The following BMPR2 variants were observed in gnomAD, a reference collection of about 807,000 sequenced individuals.
BMPR2 encodes bone morphogenetic protein receptor type-2.
Under a neutral mutation model 100.8 loss-of-function variants are expected in BMPR2, and 29 were observed. The ratio of observed to expected loss-of-function variants is 0.29; its 90% CI spans 0.21 to 0.39. The LOEUF (loss-of-function observed/expected upper bound fraction) is 0.39, where lower values mean the gene tolerates loss of function less well. Ranked by LOEUF, BMPR2 falls within the 10% of genes least tolerant of loss-of-function variation. The probability of loss-of-function intolerance (pLI) is 1.00; values close to 1 mark genes in which losing one functional copy is unlikely to be tolerated. For missense variants in BMPR2, 1,011 were observed against 1,274.5 expected (o/e 0.79, Z 3.15); for synonymous variants, 382 against 442.3 (o/e 0.86, Z 1.71).
intron 10 of BMPR2, among the ~76,000 whole-genome samples, chr2:202,546,940 G>C (rs1688386517): frequency 6.8e-6 from 1 of 148,036 alleles, no homozygotes; most frequent in Non-Finnish European, 1.5e-5. Flanking sequence ...GTTTTGTTTT[G>C]TTTTGTTTTG....
At chr2:202,492,725 C>CAAA (rs796078041) in intron 3 of BMPR2, among the ~76,000 whole-genome samples, 25 of 111,652 alleles carry the variant, frequency 2.2e-4, no homozygotes, top group African/African-American at 6.9e-4. Flanking sequence ...AAAAAAAAAC[C>CAAA]AAAAAAAAAA....
intron 3 of BMPR2, among the ~76,000 whole-genome samples, chr2:202,507,278 G>T (rs981813394): frequency 6.6e-6 from 1 of 152,032 alleles, no homozygotes; most frequent in East Asian, 1.9e-4. Context: ...TAAAGAAAAG[G>T]TTATGATTTT....
chr2:202,480,315 G>T (rs1692634456), intron 3 of BMPR2, among the ~76,000 whole-genome samples: 1 of 151,958 alleles, frequency 6.6e-6, no homozygotes, highest in East Asian at 1.9e-4. Context: ...TTTTAGTAGA[G>T]ATGGGGTTTT....
intron 9 of BMPR2, among the ~76,000 whole-genome samples, chr2:202,536,133 G>C (rs928315439): frequency 3.9e-5 from 6 of 152,024 alleles, no homozygotes; most frequent in African/African-American, 1.4e-4. Context: ...TTTTTTAAGA[G>C]ACAGAGCCTC....
chr2:202,418,690 A>G (rs1389297153), intron 1 of BMPR2, among the ~76,000 whole-genome samples: 2 of 152,362 alleles, frequency 1.3e-5, no homozygotes, highest in East Asian at 1.9e-4. Context: ...CCTGGAATCA[A>G]TAGAAGGAAA....
At position 202,434,167 on chromosome 2, in the gene BMPR2, C is replaced by A. The variant is rs879364806; in HGVS notation, c.77-30642C>A. On this transcript the variant is annotated intron_variant, in intron 1 of 12. Transcript: ENST00000374580. ...CCATTGCACCCAAATCAGCTATAGA[C>A]GAGCAGTGCTTTCAATGGAATTTTT... Among the ~76,000 whole-genome samples the A allele has an allele frequency of 5.3e-5, 8 of 150,522 alleles. 1 individual carries two copies. Among genetic ancestry groups the A allele is most frequent in the African/African-American group, 2.0e-4 (8 of 39,896 alleles).
chr2:202,396,744 C>T (rs1690662992), intron 1 of BMPR2, among the ~76,000 whole-genome samples: 1 of 152,090 alleles, frequency 6.6e-6, no homozygotes, highest in Admixed American at 6.6e-5. Flanking sequence ...GATACAGCAA[C>T]AATGTATTTC....
chr2:202,559,596 C>A, intron 12 of BMPR2, 100 bp from the exon 13 acceptor site: 1 of 1,271,124 alleles, frequency 7.9e-7, no homozygotes, highest in Non-Finnish European at 1.1e-6. Flanking sequence ...TCATTAGCAC[C>A]CTCCTGAGAC....
At chr2:202,437,297 C>T (rs1218706918) in intron 1 of BMPR2, among the ~76,000 whole-genome samples, 2 of 150,694 alleles carry the variant, frequency 1.3e-5, no homozygotes, top group South Asian at 4.1e-4. Context: ...AGCCACTGCG[C>T]CCAGCCAAAA....
rs1341307390 is a variant in BMPR2 at position 202,464,785 on chromosome 2, ATTCCTTTAT to A, written c.77-12_77-4del. ...TTTTGAAAACATTAAATAATTTGTC[ATTCCTTTAT>A]TTCCTTTATTTTAGCTTCGCAGAAT... is the stretch of plus-strand genomic sequence containing the variant. On this transcript the variant is annotated splice_polypyrimidine_tract_variant and intron_variant, in intron 1 of 12. Transcript: ENST00000374580. 5 of 1,594,202 alleles carry A rather than the reference ATTCCTTTAT, an allele frequency of 3.1e-6. No homozygotes were observed. Among genetic ancestry groups the A allele is most frequent in the Non-Finnish European group, 4.3e-6 (5 of 1,171,132 alleles).
At chr2:202,510,495 TATTGTATC>T (rs1365143070) in intron 3 of BMPR2, among the ~76,000 whole-genome samples, 2 of 152,252 alleles carry the variant, frequency 1.3e-5, no homozygotes, top group Non-Finnish European at 2.9e-5. Flanking sequence ...AAAGTCTGTA[TATTGTATC>T]ATTCCAACTA....
intron 1 of BMPR2, among the ~76,000 whole-genome samples, chr2:202,428,254 TTC>T (rs952348012): frequency 1.3e-5 from 2 of 152,108 alleles, no homozygotes; most frequent in African/African-American, 2.4e-5. Context: ...GAGTCCCTAT[TTC>T]TCTCTCTCTA....
At chr2:202,397,690 G>A (rs1690681063) in intron 1 of BMPR2, among the ~76,000 whole-genome samples, 2 of 151,426 alleles carry the variant, frequency 1.3e-5, no homozygotes, top group South Asian at 2.1e-4. Flanking sequence ...TTTAGAGACA[G>A]GGTCTCACCA....
intron 3 of BMPR2, among the ~76,000 whole-genome samples, chr2:202,504,210 G>A (rs1199294588): frequency 6.6e-6 from 1 of 152,108 alleles, no homozygotes; most frequent in African/African-American, 2.4e-5. Flanking sequence ...GTGGTAACCC[G>A]CTTGGGTCCC....
intron 7 of BMPR2, among the ~76,000 whole-genome samples, chr2:202,525,546 A>T (rs1687893856): frequency 6.6e-6 from 1 of 152,110 alleles, no homozygotes. Context: ...AGTCAGGGAA[A>T]AGTAAGGGAA....
intron 3 of BMPR2, among the ~76,000 whole-genome samples, chr2:202,493,578 TTAAC>T (rs1692957307): frequency 6.6e-6 from 1 of 152,204 alleles, no homozygotes; most frequent in Non-Finnish European, 1.5e-5. Flanking sequence ...TCAAATATAA[TTAAC>T]TGTTTTAATT....
chr2:202,500,361 C>T (rs962434609), intron 3 of BMPR2, among the ~76,000 whole-genome samples: 6 of 152,158 alleles, frequency 3.9e-5, no homozygotes, highest in Non-Finnish European at 7.3e-5. Context: ...CCTGAAAGTC[C>T]CACACCGTTA....
chr2:202,451,020 C>T (rs1298637287), intron 1 of BMPR2, among the ~76,000 whole-genome samples: 1 of 152,166 alleles, frequency 6.6e-6, no homozygotes, highest in East Asian at 1.9e-4. Flanking sequence ...CAAAGCCAAA[C>T]ACACAAGCAT....
At chr2:202,424,198 A>G (rs546844279) in intron 1 of BMPR2, among the ~76,000 whole-genome samples, 4 of 151,810 alleles carry the variant, frequency 2.6e-5, no homozygotes, top group African/African-American at 7.2e-5. Context: ...ACATGGTGAC[A>G]CCCTGTCTCT....
Sources: allele counts gnomAD v4.1 joint callset (sites outside exome capture counted in the v4.1 genomes callset), GRCh38; gene constraint gnomAD v4.1.1; transcripts MANE v1.5; gene names NCBI Gene and HGNC (gene_info 2026-07-23, HGNC 2026-07-21).